KYAT1: variants seen among roughly 807,000 people sequenced by gnomAD.
KYAT1 encodes the protein kynurenine--oxoglutarate transaminase 1.
Under a neutral mutation model 52.4 loss-of-function variants are expected in KYAT1, and 47 were observed. That is an observed-to-expected ratio of 0.90 (90% CI 0.71 to 1.14). The LOEUF (loss-of-function observed/expected upper bound fraction) is 1.14, where lower values mean the gene tolerates loss of function less well. Ranked by LOEUF, KYAT1 falls within the 50% of genes most tolerant of loss-of-function variation. The pLI, the probability that KYAT1 is intolerant of heterozygous loss-of-function variation, is 0.00. For synonymous variants in KYAT1, 212 were observed against 209.6 expected, an observed-to-expected ratio of 1.01 and a Z score of -0.10; for missense variants, 480 against 557.9, an observed-to-expected ratio of 0.86 and a Z score of 1.41.
intron 1 of KYAT1, among the ~76,000 whole-genome samples, chr9:128,864,250 C>T (rs1303180380): frequency 6.6e-6 from 1 of 151,124 alleles, no homozygotes; most frequent in African/African-American, 2.4e-5. Context: ...CCTATAGTCC[C>T]AGCTGCTTGG....
intron 1 of KYAT1, among the ~76,000 whole-genome samples, chr9:128,868,815 C>G (rs1486099471): frequency 6.6e-6 from 1 of 151,326 alleles, no homozygotes; most frequent in Non-Finnish European, 1.5e-5. Context: ...AAGCGATTCT[C>G]CTGCCTCAGC....
At chr9:128,878,237 C>A (rs575606961) in intron 1 of KYAT1, among the ~76,000 whole-genome samples, 1 of 152,072 alleles carries the variant, frequency 6.6e-6, no homozygotes, top group East Asian at 1.9e-4. Flanking sequence ...CAGTTTCAAG[C>A]GATTCTTGTA....
At chr9:128,855,086 A>C (rs971818361) in intron 1 of KYAT1, among the ~76,000 whole-genome samples, 30 of 152,228 alleles carry the variant, frequency 2.0e-4, no homozygotes, top group African/African-American at 7.0e-4. Flanking sequence ...GGAAATTCCC[A>C]AAGAATCAAA....
intron 1 of KYAT1, among the ~76,000 whole-genome samples, chr9:128,848,055 C>G (rs1260200861): frequency 6.6e-6 from 1 of 152,182 alleles, no homozygotes; most frequent in East Asian, 1.9e-4. Context: ...CAATGTGTCT[C>G]ACACCTGTAA....
intron 1 of KYAT1, among the ~76,000 whole-genome samples, chr9:128,857,380 G>A (rs185288889): frequency 1.1e-4 from 17 of 152,298 alleles, no homozygotes; most frequent in African/African-American, 3.9e-4. Context: ...CTTCATCTCT[G>A]TGTCTTACTT....
intron 1 of KYAT1, among the ~76,000 whole-genome samples, chr9:128,859,090 C>T (rs375281432): frequency 2.0e-5 from 3 of 151,974 alleles, no homozygotes; most frequent in African/African-American, 7.3e-5. Flanking sequence ...TGGCCAGGCA[C>T]GGTGACTCAC....
At chr9:128,881,980 C>G (rs769185134), upstream of KYAT1, 4 of 152,298 alleles carry the variant, frequency 2.6e-5, no homozygotes, top group Non-Finnish European at 4.4e-5. Context: ...GGGCCGAGCC[C>G]GGCTCCGCTA....
chr9:128,846,722 C>T, intron 1 of KYAT1: 2 of 1,535,300 alleles, frequency 1.3e-6, no homozygotes, highest in Non-Finnish European at 1.7e-6. Context: ...CTCCTCCTGT[C>T]CTCAGAATCC....
At chr9:128,836,202 G>A (rs1831065165) in intron 7 of KYAT1, 129 bp from the exon 8 acceptor site, 4 of 633,504 alleles carry the variant, frequency 6.3e-6, no homozygotes, top group Non-Finnish European at 7.8e-6. Context: ...TAAGTTATTT[G>A]CACAATTTTT....
chr9:128,880,061 A>T (rs917579677), intron 1 of KYAT1, among the ~76,000 whole-genome samples: 1 of 152,224 alleles, frequency 6.6e-6, no homozygotes, highest in South Asian at 2.1e-4. Flanking sequence ...ACTTATCTGT[A>T]AAATGAGACT....
At chr9:128,855,260 A>T (rs1470573771) in intron 1 of KYAT1, among the ~76,000 whole-genome samples, 2 of 152,174 alleles carry the variant, frequency 1.3e-5, no homozygotes, top group African/African-American at 4.8e-5. Context: ...TGTCTGGCCC[A>T]CTAATCCGGC....
rs571735352 is a variant in KYAT1 at position 128,849,321 on chromosome 9, G to A, written c.-6-3910C>T. 5.3e-3 allele frequency among the ~76,000 whole-genome samples: 771 copies of A among 144,590 alleles called. 2 individuals are homozygous for A. Among genetic ancestry groups the A allele is most frequent in the Non-Finnish European group, 8.9e-3 (590 of 66,438 alleles). 94.9% of individuals were successfully genotyped at this position (144,590 alleles called of 152,430 possible). ...AGCTACCCAGGAGGCTGAGGCAGGA[G>A]AATCGCTGGAACCCAGGAGGCGGAG... On this transcript the variant is annotated intron_variant, in intron 1 of 12. Coordinates refer to ENST00000302586, the MANE Select transcript of KYAT1 (RefSeq NM_004059.5).
At chr9:128,837,165 G>A (rs1158460186) in intron 6 of KYAT1, among the ~76,000 whole-genome samples, 1 of 152,182 alleles carries the variant, frequency 6.6e-6, no homozygotes, top group African/African-American at 2.4e-5. Flanking sequence ...ATGGTGGCGG[G>A]TGCCTGTAAT....
upstream of KYAT1, chr9:128,882,491 T>A: frequency 2.6e-6 from 1 of 385,094 alleles, no homozygotes; most frequent in Non-Finnish European, 4.6e-6. Context: ...CAGGCACCCC[T>A]GTGCCTCCTT....
chr9:128,873,962 A>G (rs1837603993), intron 1 of KYAT1, among the ~76,000 whole-genome samples: 1 of 124,762 alleles, frequency 8.0e-6, no homozygotes, highest in East Asian at 2.4e-4. Flanking sequence ...AAAAAAAAAA[A>G]GAATATTCTG....
intron 11 of KYAT1, among the ~76,000 whole-genome samples, chr9:128,834,688 G>T (rs559835867): frequency 1.4e-4 from 21 of 151,244 alleles, no homozygotes; most frequent in Non-Finnish European, 2.7e-4. Flanking sequence ...GCCAGGCGTG[G>T]TTGTACATGC....
chr9:128,854,570 GA>G (rs1048125618), intron 1 of KYAT1, among the ~76,000 whole-genome samples: 3 of 152,162 alleles, frequency 2.0e-5, no homozygotes. Flanking sequence ...ACAGTTAGCT[GA>G]AAAAAGCCTA....
chr9:128,862,378 T>C (rs1421152352), intron 1 of KYAT1, among the ~76,000 whole-genome samples: 1 of 152,220 alleles, frequency 6.6e-6, no homozygotes, highest in Non-Finnish European at 1.5e-5. Flanking sequence ...ACTGGATCCT[T>C]TCAACAACTC....
rs780333135 is a variant in KYAT1 at position 128,835,805 on chromosome 9, C to T, written c.829G>A (p.Val277Ile). ...TGGCTCTGCGTGGGGCAGTGGAAGA[C>T]GGAGTTCTGGTGCACGGTCCGCAGG... ...KHLRTVHQNS[V>I]FHCPTQSQAA... Residue 277 changes from valine to isoleucine, a missense_variant, in exon 9 of 13, where the codon GTC becomes ATC. Physicochemically the swap from Val to Ile is conservative, Grantham distance 29 (BLOSUM62 3). Coordinates refer to ENST00000302586, the MANE Select transcript of KYAT1 (RefSeq NM_004059.5). The T allele has an allele frequency of 1.4e-5, 22 of 1,613,410 alleles. No individual in the cohort carries two copies. The highest frequency in any genetic ancestry group is 1.6e-4 in the Middle Eastern group (1 of 6,084).
Sources: gnomAD v4.1 joint callset for allele counts (sites outside exome capture counted in the v4.1 genomes callset) on GRCh38, gnomAD v4.1.1 for gene constraint, MANE v1.5 for transcripts, NCBI Gene and HGNC (gene_info 2026-07-23, HGNC 2026-07-21) for gene names.